The following CHD2 variants were observed in gnomAD, a reference collection of about 807,000 sequenced individuals.
CHD2 encodes ATP-dependent chromatin remodeler CHD2.
Under a neutral mutation model 243.9 loss-of-function variants are expected in CHD2, and 28 were observed. The ratio of observed to expected loss-of-function variants is 0.11; its 90% CI spans 0.09 to 0.16. CHD2 has a LOEUF of 0.16. Among genes scored for constraint, CHD2 ranks in the 10% least tolerant of loss-of-function variants. The pLI is 1.00. For missense variants in CHD2, 1,386 were observed against 2,209.8 expected (o/e 0.63, Z 7.47); for synonymous variants, 775 against 779.0 (o/e 0.99, Z 0.09).
At chr15:92,918,111 G>A (rs1202880571) in intron 2 of CHD2, among the ~76,000 whole-genome samples, 1 of 152,172 alleles carries the variant, frequency 6.6e-6, no homozygotes, top group Non-Finnish European at 1.5e-5. Flanking sequence ...GAATGTTGCT[G>A]TGCTGCCCTC....
intron 4 of CHD2, among the ~76,000 whole-genome samples, chr15:92,928,292 C>A (rs985051669): frequency 9.9e-5 from 15 of 152,182 alleles, no homozygotes; most frequent in African/African-American, 3.6e-4. Flanking sequence ...TTTGTTAAAA[C>A]CAATCACATA....
intron 26 of CHD2, among the ~76,000 whole-genome samples, chr15:92,986,529 T>A (rs1192910789): frequency 2.6e-5 from 4 of 152,174 alleles, no homozygotes; most frequent in African/African-American, 9.7e-5. Context: ...CATCCCCTCT[T>A]GTGCTTATCA....
chr15:93,026,412 C>T lies in CHD2; in HGVS notation c.*1707C>T, dbSNP rs767234053. 1 of 152,290 alleles carries T rather than the reference C, an allele frequency of 6.6e-6. No homozygotes were observed. Among genetic ancestry groups the T allele is most frequent in the African/African-American group, 2.4e-5 (1 of 41,458 alleles). 9.4% of individuals were successfully genotyped at this position (152,290 alleles called of 1,614,324 possible). A position where few individuals can be genotyped will look rare whatever the true frequency, so the allele number is the denominator to read the frequency against. ...ATGTGGCTGTGGTGTGACCCTTGCT[C>T]CCTGCTACACAGAGCATCGCAGGGC... On this transcript the variant is annotated 3_prime_UTR_variant, in exon 39 of 39. Transcript: ENST00000394196.
intron 5 of CHD2, among the ~76,000 whole-genome samples, chr15:92,935,411 G>T (rs778699493): frequency 3.3e-5 from 5 of 152,170 alleles, no homozygotes; most frequent in Non-Finnish European, 7.4e-5. Context: ...AATCTAACTG[G>T]AAAACTCTAG....
At chr15:92,966,909 CAAA>C (rs57813753) in intron 16 of CHD2, among the ~76,000 whole-genome samples, 2 of 132,716 alleles carry the variant, frequency 1.5e-5, no homozygotes, top group African/African-American at 2.9e-5. Context: ...GACTCTGTCT[CAAA>C]AAAAAAAAAA....
At chr15:92,965,010 G>A (rs541212694) in intron 16 of CHD2, among the ~76,000 whole-genome samples, 18 of 152,044 alleles carry the variant, frequency 1.2e-4, no homozygotes, top group Middle Eastern at 6.8e-3. Context: ...TTTAATTTCC[G>A]TTGTTGGTCC....
rs774908145 is a variant in CHD2, at chr15:92,985,539, G to A, written c.3279G>A (p.Arg1093=). 2.2e-5 allele frequency: 35 copies of A among 1,613,962 alleles called. No homozygotes were observed. In the Admixed American group the frequency reaches 5.8e-4, roughly 27 times the overall value. Residue 1093 remains arginine (R), a synonymous_variant, in exon 26 of 39, where the codon AGG becomes AGA. Coordinates refer to ENST00000394196, the MANE Select transcript of CHD2 (RefSeq NM_001271.4). ...GTGACTCTGACACTGAGTCTAAGAG[G>A]CAGGCCCAGAGATCCTCTGCTTCTG... is the stretch of plus-strand genomic sequence containing the variant. The part of the protein sequence containing the change: ...NDSDSDTESK[R]QAQRSSASES...
At chr15:92,985,306 C>A (rs997438590) in intron 25 of CHD2, among the ~76,000 whole-genome samples, 192 bp from the exon 26 acceptor site, 18 of 152,162 alleles carry the variant, frequency 1.2e-4, no homozygotes, top group Non-Finnish European at 2.4e-4. Context: ...ATTACAATGT[C>A]TCTGAAAGTA....
At chr15:93,012,276 C>T in intron 35 of CHD2, 69 bp from the exon 36 acceptor site, 1 of 961,192 alleles carries the variant, frequency 1.0e-6, no homozygotes, top group South Asian at 1.6e-5. Flanking sequence ...AGCTTGCCAT[C>T]CATGAAGATC....
At chr15:93,000,427 T>C (rs1050441853) in intron 31 of CHD2, 85 bp from the exon 32 acceptor site, 2 of 1,327,058 alleles carry the variant, frequency 1.5e-6, no homozygotes, top group South Asian at 1.5e-5. Context: ...TGGCTGCTAC[T>C]GCTTTAAAGA....
At chr15:93,007,165 A>G (rs1476923572) in intron 34 of CHD2, among the ~76,000 whole-genome samples, 1 of 152,242 alleles carries the variant, frequency 6.6e-6, no homozygotes, top group Non-Finnish European at 1.5e-5. Context: ...AATTATAGCA[A>G]TGAATTCAAG....
At chr15:92,922,854 A>G (rs1455390865) in intron 2 of CHD2, among the ~76,000 whole-genome samples, 1 of 152,006 alleles carries the variant, frequency 6.6e-6, no homozygotes, top group Non-Finnish European at 1.5e-5. Context: ...GAGGAAGATG[A>G]GGATATTGTT....
intron 16 of CHD2, among the ~76,000 whole-genome samples, chr15:92,965,565 CA>C (rs61447848): frequency 1.5e-3 from 171 of 110,964 alleles, no homozygotes; most frequent in African/African-American, 5.4e-3. Flanking sequence ...ACTCTTTCTC[CA>C]AAAAAAAAAA....
chr15:93,024,271 C>A, intron 38 of CHD2, 101 bp from the exon 39 acceptor site: 1 of 1,025,778 alleles, frequency 9.7e-7, no homozygotes, highest in Non-Finnish European at 1.4e-6. Context: ...AGCATTTGTC[C>A]TTGAATATGA....
At chr15:92,907,790 A>G (rs2052649700) in intron 2 of CHD2, among the ~76,000 whole-genome samples, 1 of 152,102 alleles carries the variant, frequency 6.6e-6, no homozygotes, top group Non-Finnish European at 1.5e-5. Context: ...TTTTATTCTT[A>G]CTGTTTGTTT....
intron 28 of CHD2, among the ~76,000 whole-genome samples, chr15:92,996,244 C>T (rs557640208): frequency 1.3e-5 from 2 of 149,262 alleles, no homozygotes; most frequent in Non-Finnish European, 3.0e-5. Flanking sequence ...ACTGCAAGCT[C>T]TGCCTCCTGG....
chr15:93,001,690 T>C (rs2054258799), intron 32 of CHD2, among the ~76,000 whole-genome samples: 1 of 152,038 alleles, frequency 6.6e-6, no homozygotes, highest in African/African-American at 2.4e-5. Flanking sequence ...CTAGTTTTTG[T>C]ATTTTTAGAA....
At chr15:93,013,299 TAGTCCGGAA>T (rs555754778) in intron 36 of CHD2, among the ~76,000 whole-genome samples, 1 of 143,886 alleles carries the variant, frequency 6.9e-6, no homozygotes, top group East Asian at 3.1e-4. Context: ...TATAAATGGA[TAGTCCGGAA>T]AGGCCCCAGG....
At chr15:92,955,563 A>C in intron 15 of CHD2, 51 bp downstream of exon 15, 1 of 1,191,700 alleles carries the variant, frequency 8.4e-7, no homozygotes, top group Non-Finnish European at 1.2e-6. Context: ...CGACTTGTCC[A>C]GATGGTAGGG....
Sources: allele counts gnomAD v4.1 joint callset (sites outside exome capture counted in the v4.1 genomes callset), GRCh38; gene constraint gnomAD v4.1.1; transcripts MANE v1.5; gene names NCBI Gene and HGNC (gene_info 2026-07-23, HGNC 2026-07-21).